Variants in RBFOX1 observed in about 807,000 individuals in gnomAD.
The protein encoded by RBFOX1 is RNA binding protein fox-1 homolog 1.
RBFOX1 carries 8 observed loss-of-function variants against 57.7 expected under a neutral mutation model. That is an observed-to-expected ratio of 0.14 (90% CI 0.08 to 0.25). RBFOX1 has a LOEUF of 0.25. Ranked by LOEUF, RBFOX1 falls within the 10% of genes least tolerant of loss-of-function variation. The pLI is 1.00. For synonymous variants in RBFOX1, 326 were observed against 222.4 expected, an observed-to-expected ratio of 1.47 and a Z score of -4.15; for missense variants, 611 against 548.5, an observed-to-expected ratio of 1.11 and a Z score of -1.14.
At chr16:5,904,630 C>A (rs1416783542) in intron 4 of RBFOX1, among the ~76,000 whole-genome samples, 5 of 151,990 alleles carry the variant, frequency 3.3e-5, no homozygotes, top group African/African-American at 1.2e-4. Context: ...ATGTTGAGGT[C>A]TTTGCCCTCA....
intron 1 of RBFOX1, among the ~76,000 whole-genome samples, chr16:5,335,461 T>C (rs1247528273): frequency 1.3e-5 from 2 of 152,192 alleles, no homozygotes; most frequent in Admixed American, 6.5e-5. Context: ...CTCCTTCCTC[T>C]TCTCCATTGC....
Position 6,839,203 on chromosome 16 carries a change from T to C in RBFOX1, c.-16+184553T>C, listed in dbSNP as rs752806748. ...TTTCACCATGTTGGCCAGGCTGTTC[T>C]CGAATTCCTGACCTCAAGTGATCCA... is the stretch of plus-strand genomic sequence containing the variant. On this transcript the variant is annotated intron_variant, in intron 3 of 15. Transcript: ENST00000550418. Among the ~76,000 whole-genome samples, 3 of 151,748 alleles carry C rather than the reference T, an allele frequency of 2.0e-5. 1 individual carries two copies. The highest frequency in any genetic ancestry group is 4.4e-5 in the Non-Finnish European group (3 of 67,796).
chr16:7,605,398 G>C (rs1028952659), intron 9 of RBFOX1, among the ~76,000 whole-genome samples: 1 of 152,064 alleles, frequency 6.6e-6, no homozygotes, highest in Admixed American at 6.6e-5. Context: ...CTAAAAAGGG[G>C]GCCCAGGAAT....
At chr16:5,565,585 A>G (rs895859405) in intron 2 of RBFOX1, among the ~76,000 whole-genome samples, 3 of 151,930 alleles carry the variant, frequency 2.0e-5, no homozygotes, top group African/African-American at 7.3e-5. Context: ...AGATCGTGCC[A>G]CTGTACTCCA....
At chr16:7,148,752 G>T (rs187786994) in intron 4 of RBFOX1, among the ~76,000 whole-genome samples, 1 of 152,162 alleles carries the variant, frequency 6.6e-6, no homozygotes, top group African/African-American at 2.4e-5. Flanking sequence ...ACCCGAAGAG[G>T]CCTGGGAGGC....
At chr16:6,340,674 G>A (rs1010811727) in intron 2 of RBFOX1, among the ~76,000 whole-genome samples, 5 of 152,136 alleles carry the variant, frequency 3.3e-5, no homozygotes, top group African/African-American at 1.2e-4. Flanking sequence ...GGTATTGGTG[G>A]ATCTTGGCTT....
intron 3 of RBFOX1, among the ~76,000 whole-genome samples, chr16:6,935,375 T>C (rs73543250): frequency 0.013 from 1,948 of 152,246 alleles, 29 homozygotes; most frequent in African/African-American, 0.044. Context: ...GAATAGAATG[T>C]AGCAGACACA....
chr16:7,309,407 G>A (rs1447752392), intron 4 of RBFOX1, among the ~76,000 whole-genome samples: 2 of 152,176 alleles, frequency 1.3e-5, no homozygotes, highest in African/African-American at 4.8e-5. Flanking sequence ...TCTGAAAATT[G>A]TAAGCATCTG....
intron 1 of RBFOX1, among the ~76,000 whole-genome samples, chr16:5,323,766 G>T (rs2064480761): frequency 6.6e-6 from 1 of 152,314 alleles, no homozygotes; most frequent in East Asian, 1.9e-4. Context: ...CAGCTGTGAC[G>T]GTTGGCCTTA....
intron 1 of RBFOX1, among the ~76,000 whole-genome samples, chr16:5,426,819 A>T (rs954141077): frequency 6.6e-6 from 1 of 152,164 alleles, no homozygotes. Flanking sequence ...AACAGTAAAA[A>T]CAGACATCTG....
At position 5,373,398 on chromosome 16, in the gene RBFOX1, C is replaced by G. The variant is rs546488951; in HGVS notation, c.220-93818C>G. 4.5e-3 allele frequency among the ~76,000 whole-genome samples: 691 copies of G among 152,190 alleles called. 7 individuals are homozygous for G. Among genetic ancestry groups the G allele is most frequent in the Non-Finnish European group, 5.1e-3 (345 of 68,016 alleles). On this transcript the variant is annotated intron_variant, in intron 1 of 2. Coordinates refer to the RBFOX1 transcript ENST00000585867. Reference sequence around the variant, plus strand: ...ATTTCCCTGGTGGATTTCCCCCTTGCTCTTCTTGTGATAATGAGTGAGTTC... The same window carrying G: ...ATTTCCCTGGTGGATTTCCCCCTTGGTCTTCTTGTGATAATGAGTGAGTTC...
chr16:7,211,864 T>C (rs1190283701), intron 4 of RBFOX1, among the ~76,000 whole-genome samples: 2 of 152,094 alleles, frequency 1.3e-5, no homozygotes, highest in African/African-American at 2.4e-5. Context: ...TTTCCTAATA[T>C]AAATGCAAGC....
intron 4 of RBFOX1, among the ~76,000 whole-genome samples, chr16:5,929,276 A>C (rs1251389853): frequency 6.6e-6 from 1 of 151,956 alleles, no homozygotes; most frequent in Non-Finnish European, 1.5e-5. Flanking sequence ...CAGCAAGTTC[A>C]AGTTCTTACT....
rs141329588 is a variant in RBFOX1 at position 5,578,379 on chromosome 16, G to A, written c.259-20523G>A. Reference sequence around the variant, plus strand: ...GGTATGTGTATGTAAAAGGAAGGAAGGGTGGAGTGGAGAAAGGAGAGGTTT... The same window carrying A: ...GGTATGTGTATGTAAAAGGAAGGAAAGGTGGAGTGGAGAAAGGAGAGGTTT... On this transcript the variant is annotated intron_variant, in intron 2 of 2. Coordinates refer to the RBFOX1 transcript ENST00000585867. 2.3e-3 allele frequency among the ~76,000 whole-genome samples: 357 copies of A among 152,258 alleles called. 1 individual carries two copies. The highest frequency in any genetic ancestry group is 8.3e-3 in the African/African-American group (343 of 41,540).
At chr16:7,070,007 T>C (rs566627367) in intron 4 of RBFOX1, among the ~76,000 whole-genome samples, 2 of 152,198 alleles carry the variant, frequency 1.3e-5, no homozygotes, top group Non-Finnish European at 2.9e-5. Flanking sequence ...GATATTCTCA[T>C]CATCATCCTT....
chr16:7,034,827 C>CTTTTTTTTTTTCTTT (rs2043824001), intron 3 of RBFOX1, among the ~76,000 whole-genome samples: 1 of 54,112 alleles, frequency 1.8e-5, no homozygotes, highest in African/African-American at 8.9e-5. Context: ...TATTGCATTA[C>CTTTTTTTTTTTCTTT]TTTTTTTTTT....
chr16:7,012,354 C>G (rs891493998), intron 3 of RBFOX1, among the ~76,000 whole-genome samples: 4 of 152,134 alleles, frequency 2.6e-5, no homozygotes, highest in East Asian at 3.9e-4. Context: ...TGAATCAGGT[C>G]TCTTCAATTC....
chr16:7,092,758 C>T (rs764356865), intron 4 of RBFOX1, among the ~76,000 whole-genome samples: 5 of 152,144 alleles, frequency 3.3e-5, no homozygotes, highest in African/African-American at 4.8e-5. Context: ...CAGAGGATTG[C>T]TTGTTAATAT....
chr16:7,378,804 C>T (rs752852900), intron 4 of RBFOX1, among the ~76,000 whole-genome samples: 1 of 152,176 alleles, frequency 6.6e-6, no homozygotes, highest in African/African-American at 2.4e-5. Context: ...CAAAGTCAGC[C>T]TGGCTCCTTG....
Sources: allele counts gnomAD v4.1 joint callset (sites outside exome capture counted in the v4.1 genomes callset), GRCh38; gene constraint gnomAD v4.1.1; transcripts MANE v1.5; gene names NCBI Gene and HGNC (gene_info 2026-07-23, HGNC 2026-07-21).